Variants in AIG1 observed in about 807,000 individuals in gnomAD.
AIG1 encodes the protein androgen induced 1.
A neutral mutation model predicts 31.4 loss-of-function variants in AIG1; 23 were observed. The observed-to-expected ratio is 0.73, with a 90% CI of 0.53 to 1.04. The LOEUF (loss-of-function observed/expected upper bound fraction) is 1.04, where lower values mean the gene tolerates loss of function less well. AIG1 is among the 50% of genes least tolerant of loss of function. The pLI is 0.00. For synonymous variants in AIG1, 100 were observed against 110.5 expected, an observed-to-expected ratio of 0.90 and a Z score of 0.60; for missense variants, 274 against 295.0, an observed-to-expected ratio of 0.93 and a Z score of 0.52.
chr6:143,234,059 A>C (rs994263051), intron 3 of AIG1, among the ~76,000 whole-genome samples: 1 of 152,170 alleles, frequency 6.6e-6, no homozygotes, highest in African/African-American at 2.4e-5. Flanking sequence ...GCATCTGTCC[A>C]TGGTGCTTGA....
chr6:143,166,729 AT>A (rs1334971483), intron 3 of AIG1, among the ~76,000 whole-genome samples: 3 of 152,036 alleles, frequency 2.0e-5, no homozygotes, highest in South Asian at 2.1e-4. Context: ...AGCTACTATT[AT>A]TTTTTTTGTG....
chr6:143,168,401 T>G (rs1435214710), intron 3 of AIG1, among the ~76,000 whole-genome samples: 1 of 149,284 alleles, frequency 6.7e-6, no homozygotes, highest in East Asian at 2.0e-4. Context: ...ATGCTATCCC[T>G]CTCCCCTCCC....
At position 143,334,040 on chromosome 6, in the gene AIG1, C is replaced by T; in HGVS notation, c.679+595C>T. 6.5e-7 allele frequency: 1 copy of T among 1,549,206 alleles called. No individual in the cohort carries two copies. Among genetic ancestry groups the T allele is most frequent in the Non-Finnish European group, 8.7e-7 (1 of 1,146,236 alleles). On this transcript the variant is annotated intron_variant, in intron 5 of 5. Coordinates refer to ENST00000357847, the MANE Select transcript of AIG1 (RefSeq NM_016108.4). The surrounding 1 kb of genome is among the most constrained non-coding windows in gnomAD (Gnocchi z 5.1). ...TCGTGGCTGGAAAAACTCTTTTAACCTGTGATTTGATTTCTCTTTTGTTTC... is the reference window on the plus strand; with the variant it reads ...TCGTGGCTGGAAAAACTCTTTTAACTTGTGATTTGATTTCTCTTTTGTTTC...
intron 4 of AIG1, among the ~76,000 whole-genome samples, chr6:143,321,291 A>G (rs1373669055): frequency 6.6e-6 from 1 of 152,048 alleles, no homozygotes; most frequent in African/African-American, 2.4e-5. Flanking sequence ...TATATAAATC[A>G]TACTTCAATT....
chr6:143,102,193 C>T (rs556475765), intron 1 of AIG1, among the ~76,000 whole-genome samples: 6 of 151,838 alleles, frequency 4.0e-5, no homozygotes, highest in African/African-American at 1.4e-4. Context: ...TTTTATATGA[C>T]TTTATTCTTT....
intron 4 of AIG1, among the ~76,000 whole-genome samples, chr6:143,287,392 A>G (rs1411317414): frequency 6.6e-6 from 1 of 152,192 alleles, no homozygotes. Context: ...GCTGAAGTTT[A>G]GAAAGAGTAC....
intron 3 of AIG1, among the ~76,000 whole-genome samples, chr6:143,227,540 A>G (rs529525834): frequency 2.0e-5 from 3 of 152,342 alleles, no homozygotes; most frequent in South Asian, 4.1e-4. Flanking sequence ...CAAAAGCACA[A>G]AAACAGGCTT....
chr6:143,073,009 G>C (rs1777428708), intron 1 of AIG1, among the ~76,000 whole-genome samples: 1 of 152,098 alleles, frequency 6.6e-6, no homozygotes, highest in Non-Finnish European at 1.5e-5. Flanking sequence ...TATGTCCTCT[G>C]ACCTACTTCT....
At chr6:143,085,185 G>A (rs985434654) in intron 1 of AIG1, among the ~76,000 whole-genome samples, 2 of 152,104 alleles carry the variant, frequency 1.3e-5, no homozygotes, top group African/African-American at 2.4e-5. Context: ...ACTCTGACTG[G>A]GCTGAATTCT....
chr6:143,107,621 G>A (rs1460824182), intron 1 of AIG1, among the ~76,000 whole-genome samples: 1 of 152,110 alleles, frequency 6.6e-6, no homozygotes, highest in East Asian at 1.9e-4. Flanking sequence ...TTTAACCTTT[G>A]TGCTAAAGGT....
At chr6:143,092,079 T>C (rs769136534) in intron 1 of AIG1, among the ~76,000 whole-genome samples, 1 of 152,160 alleles carries the variant, frequency 6.6e-6, no homozygotes, top group African/African-American at 2.4e-5. Flanking sequence ...TCACTGCCTG[T>C]GGCAGCTACA....
At chr6:143,318,487 TG>T (rs1445644971) in intron 4 of AIG1, among the ~76,000 whole-genome samples, 4 of 152,164 alleles carry the variant, frequency 2.6e-5, no homozygotes, top group African/African-American at 9.6e-5. Flanking sequence ...CAACTCAAGA[TG>T]GATCAAAGAC....
intron 1 of AIG1, among the ~76,000 whole-genome samples, chr6:143,067,738 A>G (rs1776846449): frequency 6.6e-6 from 1 of 152,178 alleles, no homozygotes; most frequent in South Asian, 2.1e-4. Flanking sequence ...GCCAGTCAAA[A>G]CCACACATTG....
At chr6:143,324,829 C>G (rs1776475057) in intron 4 of AIG1, among the ~76,000 whole-genome samples, 1 of 152,124 alleles carries the variant, frequency 6.6e-6, no homozygotes, top group Non-Finnish European at 1.5e-5. Context: ...TTAAAGTAAT[C>G]TCAAAAATAG....
chr6:143,193,680 T>A (rs1275032883), intron 3 of AIG1, among the ~76,000 whole-genome samples: 1 of 152,252 alleles, frequency 6.6e-6, no homozygotes, highest in Non-Finnish European at 1.5e-5. Context: ...TGCTTTCCTA[T>A]TCCTTAATAG....
chr6:143,152,206 G>A (rs1052493920), intron 2 of AIG1, among the ~76,000 whole-genome samples: 1 of 152,016 alleles, frequency 6.6e-6, no homozygotes, highest in South Asian at 2.1e-4. Flanking sequence ...AAAAAAGCAC[G>A]GTTGATTTAT....
rs1358384184 is a variant in AIG1, at chr6:143,226,480, G to T, written c.400-57630G>T. Among the ~76,000 whole-genome samples, 4 of 151,630 alleles carry T rather than the reference G, an allele frequency of 2.6e-5. No homozygotes were observed. In the South Asian group the frequency reaches 6.3e-4, roughly 24 times the overall value. On this transcript the variant is annotated intron_variant, in intron 3 of 5. Transcript: ENST00000357847. ...AGGATGGTCTTGATCTCTTGACCTC[G>T]TGATCCACCCGCCTTGGCCTCCCAA... is the stretch of plus-strand genomic sequence containing the variant.
At chr6:143,332,029 G>A (rs1055955218) in intron 4 of AIG1, among the ~76,000 whole-genome samples, 2 of 151,494 alleles carry the variant, frequency 1.3e-5, no homozygotes, top group East Asian at 1.9e-4. Context: ...GCACCACCAC[G>A]CCCAGCTAAT....
chr6:143,161,487 C>G lies in AIG1; in HGVS notation c.298-3595C>G, dbSNP rs567396779. 2.6e-5 allele frequency among the ~76,000 whole-genome samples: 4 copies of G among 151,412 alleles called. No homozygotes were observed. The South Asian group carries it at 8.3e-4, about 32-fold the overall frequency. On this transcript the variant is annotated intron_variant, in intron 2 of 5. Transcript: ENST00000357847. The stretch of plus-strand genomic sequence containing the variant: ...CATGAATAGAGATGAAAAGAAAATT[C>G]TTTGCAAAGTATCAGCAGATTGAAT...
Sources: allele counts gnomAD v4.1 joint callset (sites outside exome capture counted in the v4.1 genomes callset), GRCh38; gene constraint gnomAD v4.1.1; non-coding constraint Gnocchi (gnomAD v3.1); transcripts MANE v1.5; gene names NCBI Gene and HGNC (gene_info 2026-07-23, HGNC 2026-07-21).